Variants in ATRNL1 observed in about 807,000 individuals in gnomAD.
ATRNL1 encodes the protein attractin like 1.
A neutral mutation model predicts 182.7 loss-of-function variants in ATRNL1; 95 were observed. The observed-to-expected ratio is 0.52, with a 90% confidence interval of 0.44 to 0.62. ATRNL1 has a LOEUF of 0.62. Among genes scored for constraint, ATRNL1 ranks in the 20% least tolerant of loss-of-function variants. ATRNL1 has a pLI of 0.00. For synonymous variants in ATRNL1, 576 were observed against 568.3 expected (o/e 1.01, Z -0.19); for missense variants, 1,471 against 1,679.5 (o/e 0.88, Z 2.17).
At chr10:115,627,989 A>C (rs1555025155) in intron 26 of ATRNL1, among the ~76,000 whole-genome samples, 1 of 152,024 alleles carries the variant, frequency 6.6e-6, no homozygotes, top group South Asian at 2.1e-4. Flanking sequence ...TACTAAAAAA[A>C]TACAAAAATT....
At chr10:115,530,841 A>T (rs1851532758) in intron 25 of ATRNL1, among the ~76,000 whole-genome samples, 1 of 129,070 alleles carries the variant, frequency 7.7e-6, no homozygotes, top group Admixed American at 9.9e-5. Context: ...ATGTGTTCTC[A>T]TTGTTCAATT....
chr10:115,154,647 GAGA>G (rs1284488640), intron 5 of ATRNL1, among the ~76,000 whole-genome samples: 1 of 152,120 alleles, frequency 6.6e-6, no homozygotes, highest in Admixed American at 6.6e-5. Context: ...ATGTGCTGAT[GAGA>G]AGATGTGTAT....
At chr10:115,150,874 TC>T (rs1846193656) in intron 5 of ATRNL1, among the ~76,000 whole-genome samples, 1 of 152,022 alleles carries the variant, frequency 6.6e-6, no homozygotes, top group African/African-American at 2.4e-5. Flanking sequence ...CCCTCCCTGC[TC>T]CCCCCACCCC....
At chr10:115,243,035 G>A (rs141125953) in intron 10 of ATRNL1, among the ~76,000 whole-genome samples, 4 of 151,892 alleles carry the variant, frequency 2.6e-5, no homozygotes, top group East Asian at 1.9e-4. Context: ...AAGACCCTGG[G>A]CTTATTTTTC....
At chr10:115,498,208 CTATTAT>C (rs1554978965) in intron 24 of ATRNL1, among the ~76,000 whole-genome samples, 1 of 151,810 alleles carries the variant, frequency 6.6e-6, no homozygotes, top group Non-Finnish European at 1.5e-5. Flanking sequence ...TTTTCTTTGC[CTATTAT>C]TATTATTTTG....
intron 26 of ATRNL1, among the ~76,000 whole-genome samples, chr10:115,575,744 T>C (rs1212499105): frequency 6.6e-6 from 1 of 152,090 alleles, no homozygotes; most frequent in Non-Finnish European, 1.5e-5. Context: ...TCTTACCTTT[T>C]TTTGTGGTAA....
At chr10:115,450,913 G>A (rs1592677368) in intron 21 of ATRNL1, among the ~76,000 whole-genome samples, 2 of 152,112 alleles carry the variant, frequency 1.3e-5, no homozygotes, top group African/African-American at 2.4e-5. Context: ...GCATGATACT[G>A]GTACAAAAAC....
At chr10:115,350,360 A>AAAAAAAC (rs1856188091) in intron 19 of ATRNL1, among the ~76,000 whole-genome samples, 1 of 150,722 alleles carries the variant, frequency 6.6e-6, no homozygotes, top group Non-Finnish European at 1.5e-5. Flanking sequence ...AAAAAAAAAA[A>AAAAAAAC]AAAAGAATTT....
At chr10:115,111,617 A>G (rs1216361273) in intron 1 of ATRNL1, among the ~76,000 whole-genome samples, 4 of 152,150 alleles carry the variant, frequency 2.6e-5, no homozygotes, top group African/African-American at 2.4e-5. Context: ...CTCACTCTTT[A>G]CTGTGAGGAT....
chr10:115,276,185 A>G (rs1333633482), intron 13 of ATRNL1, among the ~76,000 whole-genome samples: 1 of 151,858 alleles, frequency 6.6e-6, no homozygotes, highest in East Asian at 1.9e-4. Context: ...TGTGTCTTCA[A>G]CCCCTTATAA....
rs557036212 is a variant in ATRNL1, at chr10:115,862,155, T to C, written c.4018+14164T>C. 2.0e-5 allele frequency among the ~76,000 whole-genome samples: 3 copies of C among 152,328 alleles called. No individual in the cohort carries two copies. In the South Asian group the frequency reaches 6.2e-4, roughly 32 times the overall value. On this transcript the variant is annotated intron_variant, in intron 28 of 28. Coordinates refer to ENST00000355044, the MANE Select transcript of ATRNL1 (RefSeq NM_207303.4). Reference sequence around the variant, plus strand: ...TTGTTGTGGATTTTTAGATCACAGTTGTTCTTTAAGACTGAAATTTTTCAA... The same window carrying C: ...TTGTTGTGGATTTTTAGATCACAGTCGTTCTTTAAGACTGAAATTTTTCAA...
At chr10:115,451,273 A>G (rs1209427149) in intron 21 of ATRNL1, among the ~76,000 whole-genome samples, 1 of 152,174 alleles carries the variant, frequency 6.6e-6, no homozygotes, top group Non-Finnish European at 1.5e-5. Context: ...GACAAGTTGG[A>G]TCTAATTAAA....
At chr10:115,293,254 G>A (rs1355255904) in intron 15 of ATRNL1, among the ~76,000 whole-genome samples, 1 of 151,800 alleles carries the variant, frequency 6.6e-6, no homozygotes, top group African/African-American at 2.4e-5. Flanking sequence ...TTCCAGGTGA[G>A]GTAAGTTTCT....
Position 115,945,240 on chromosome 10 carries a change from T to C in ATRNL1, c.*461T>C, listed in dbSNP as rs1395984941. The C allele has an allele frequency of 6.6e-6, 1 of 152,308 alleles. No individual in the cohort carries two copies. Among genetic ancestry groups the C allele is most frequent in the African/African-American group, 2.4e-5 (1 of 41,450 alleles). 9.4% of individuals were successfully genotyped at this position (152,308 alleles called of 1,614,324 possible). On this transcript the variant is annotated 3_prime_UTR_variant, in exon 29 of 29. Coordinates refer to ENST00000355044, the MANE Select transcript of ATRNL1 (RefSeq NM_207303.4). ...TGCAATGGCTTTAAATGCTCTTTTA[T>C]CTCGTTGTAAAGGTAAGGCAAGATT...
intron 27 of ATRNL1, among the ~76,000 whole-genome samples, chr10:115,745,633 A>C (rs781892448): frequency 1.3e-5 from 2 of 152,112 alleles, no homozygotes; most frequent in Admixed American, 6.6e-5. Context: ...GGTATTGTTG[A>C]GATTTTGTAT....
At chr10:115,240,612 C>T (rs1030469582) in intron 9 of ATRNL1, among the ~76,000 whole-genome samples, 2 of 151,970 alleles carry the variant, frequency 1.3e-5, no homozygotes, top group Non-Finnish European at 2.9e-5. Flanking sequence ...TTTGGAGCTG[C>T]TACATATACT....
intron 25 of ATRNL1, among the ~76,000 whole-genome samples, chr10:115,541,673 A>G (rs1219761915): frequency 6.6e-6 from 1 of 152,190 alleles, no homozygotes; most frequent in Non-Finnish European, 1.5e-5. Flanking sequence ...AAATAAAACG[A>G]TTGCCAAAGG....
At chr10:115,198,191 TG>T (rs1227251526) in intron 8 of ATRNL1, among the ~76,000 whole-genome samples, 1 of 152,168 alleles carries the variant, frequency 6.6e-6, no homozygotes, top group Non-Finnish European at 1.5e-5. Flanking sequence ...TTTGTCTTTC[TG>T]ATAATAACGA....
intron 1 of ATRNL1, among the ~76,000 whole-genome samples, 170 bp downstream of exon 1, chr10:115,094,213 C>T (rs1456112152): frequency 1.3e-5 from 2 of 151,688 alleles, no homozygotes; most frequent in Non-Finnish European, 2.9e-5. Context: ...GCGCCGCGCC[C>T]CCTCCAGCCC....
Sources: allele counts gnomAD v4.1 joint callset (sites outside exome capture counted in the v4.1 genomes callset), GRCh38; gene constraint gnomAD v4.1.1; transcripts MANE v1.5; gene names NCBI Gene and HGNC (gene_info 2026-07-23, HGNC 2026-07-21).